PDE4D: variants seen among roughly 807,000 people sequenced by gnomAD.
The protein encoded by PDE4D is 3',5'-cyclic-AMP phosphodiesterase 4D.
A neutral mutation model predicts 87.4 loss-of-function variants in PDE4D; 24 were observed. The ratio of observed to expected loss-of-function variants is 0.27; its 90% CI spans 0.20 to 0.39. The LOEUF is 0.39. Ranked by LOEUF, PDE4D falls within the 10% of genes least tolerant of loss-of-function variation. PDE4D has a pLI of 1.00. For synonymous variants in PDE4D, 384 were observed against 383.2 expected, an observed-to-expected ratio of 1.00 and a Z score of -0.02; for missense variants, 714 against 1,041.0, an observed-to-expected ratio of 0.69 and a Z score of 4.32.
At chr5:59,251,191 C>G (rs1346543530) in intron 1 of PDE4D, among the ~76,000 whole-genome samples, 1 of 152,128 alleles carries the variant, frequency 6.6e-6, no homozygotes, top group East Asian at 1.9e-4. Flanking sequence ...TCTAAATAAA[C>G]TTAAAAGCTT....
At chr5:60,459,812 T>A (rs1219872449) in intron 1 of PDE4D, 9 of 525,512 alleles carry the variant, frequency 1.7e-5, no homozygotes, top group East Asian at 3.4e-5. Context: ...TGGAGAAAAA[T>A]TTTTAAACAG....
At chr5:59,314,299 T>A (rs1214203137) in intron 1 of PDE4D, 1 of 152,138 alleles carries the variant, frequency 6.6e-6, no homozygotes, top group Non-Finnish European at 1.5e-5. Context: ...CTAGGACTCC[T>A]GGGGCCACAA....
At chr5:60,426,908 A>AG in intron 1 of PDE4D, among the ~76,000 whole-genome samples, 1 of 152,294 alleles carries the variant, frequency 6.6e-6, no homozygotes, top group East Asian at 1.9e-4. Flanking sequence ...AGAACTAAAA[A>AG]AAAATAAAAA....
At chr5:59,357,057 G>T in intron 1 of PDE4D, 1 of 467,872 alleles carries the variant, frequency 2.1e-6, no homozygotes, top group South Asian at 5.5e-5. Context: ...CATGACACTT[G>T]GCCTTTGCGA....
chr5:59,670,877 C>A (rs2150328045), intron 1 of PDE4D, among the ~76,000 whole-genome samples: 1 of 151,772 alleles, frequency 6.6e-6, no homozygotes, highest in African/African-American at 2.4e-5. Flanking sequence ...GCTGTGTTAC[C>A]CAGGCTGGCC....
chr5:60,235,664 A>C (rs1216581968), intron 1 of PDE4D, among the ~76,000 whole-genome samples: 5 of 151,886 alleles, frequency 3.3e-5, no homozygotes, highest in Non-Finnish European at 1.5e-5. Context: ...ATAAAACTGA[A>C]GCCCAGAGAG....
At chr5:59,680,290 T>C (rs184059249) in intron 1 of PDE4D, among the ~76,000 whole-genome samples, 1 of 152,294 alleles carries the variant, frequency 6.6e-6, no homozygotes, top group East Asian at 1.9e-4. Context: ...TGTTTCCAGA[T>C]TATCCTGAAG....
intron 1 of PDE4D, among the ~76,000 whole-genome samples, chr5:59,225,716 T>C (rs538611351): frequency 6.6e-6 from 1 of 152,016 alleles, no homozygotes; most frequent in African/African-American, 2.4e-5. Context: ...AACCTACAGA[T>C]TAGGAGAAAA....
intron 3 of PDE4D, among the ~76,000 whole-genome samples, chr5:59,974,095 C>A (rs1439826355): frequency 6.6e-6 from 1 of 152,148 alleles, no homozygotes; most frequent in African/African-American, 2.4e-5. Context: ...ACAACAGTAA[C>A]CCCGTTTACA....
chr5:59,120,519 A>T (rs944142372), intron 5 of PDE4D, among the ~76,000 whole-genome samples: 11 of 152,126 alleles, frequency 7.2e-5, no homozygotes, highest in South Asian at 2.1e-4. Context: ...GACCATTTTT[A>T]AAAAAATTGA....
At chr5:60,427,613 A>G (rs932053250) in intron 1 of PDE4D, among the ~76,000 whole-genome samples, 17 of 152,252 alleles carry the variant, frequency 1.1e-4, no homozygotes, top group Admixed American at 2.6e-4. Flanking sequence ...TACAGTAAGA[A>G]AGAAAAAGAG....
In PDE4D at chr5:59,397,457, G is replaced by A. The variant is rs1208787326; in HGVS notation, c.456-181489C>T. ...AAAACCGCTCAACTACATGGAAACC[G>A]AACAACCTGCTCCTGAATGACTACT... On this transcript the variant is annotated intron_variant, in intron 1 of 14. Transcript: ENST00000340635. Among the ~76,000 whole-genome samples the A allele has an allele frequency of 7.6e-5, 9 of 117,982 alleles. 2 individuals are homozygous for A. The highest frequency in any genetic ancestry group is 1.4e-4 in the Non-Finnish European group (8 of 55,868). 77.4% of individuals were successfully genotyped at this position (117,982 alleles called of 152,430 possible).
At chr5:59,412,420 T>A (rs1417778289) in intron 1 of PDE4D, among the ~76,000 whole-genome samples, 1 of 152,150 alleles carries the variant, frequency 6.6e-6, no homozygotes, top group East Asian at 1.9e-4. Context: ...TAGTTACACA[T>A]CCACAATTAC....
At chr5:60,220,234 T>G (rs1744340443) in intron 1 of PDE4D, among the ~76,000 whole-genome samples, 1 of 152,102 alleles carries the variant, frequency 6.6e-6, no homozygotes, top group East Asian at 1.9e-4. Flanking sequence ...CATGAGTGCA[T>G]GAAAAAGGTA....
chr5:60,062,911 G>A (rs1324955398), intron 2 of PDE4D, among the ~76,000 whole-genome samples: 1 of 151,962 alleles, frequency 6.6e-6, no homozygotes, highest in African/African-American at 2.4e-5. Flanking sequence ...ACCAGGGCCT[G>A]TTGGGTCATG....
intron 1 of PDE4D, among the ~76,000 whole-genome samples, chr5:59,573,538 G>C (rs1198733923): frequency 1.3e-5 from 2 of 152,014 alleles, no homozygotes; most frequent in Non-Finnish European, 2.9e-5. Context: ...TCCTCATCCT[G>C]TCCTCTCTCC....
At chr5:60,135,951 A>T (rs962558907) in intron 2 of PDE4D, among the ~76,000 whole-genome samples, 4 of 152,168 alleles carry the variant, frequency 2.6e-5, no homozygotes, top group African/African-American at 9.7e-5. Context: ...ATAATCATTA[A>T]TGTTCTAAGA....
At chr5:59,920,551 A>G (rs935636295) in intron 3 of PDE4D, among the ~76,000 whole-genome samples, 1 of 152,074 alleles carries the variant, frequency 6.6e-6, no homozygotes, top group Non-Finnish European at 1.5e-5. Context: ...TAACATACAG[A>G]GTTAGTTGGA....
Position 59,385,985 on chromosome 5 carries a change from C to T in PDE4D, c.456-170017G>A, listed in dbSNP as rs1283108754. The stretch of plus-strand genomic sequence containing the variant: ...TCAGAGTCCTGACCCTTTCTGAGAA[C>T]ATTTCTCTAGAAAATAAATCTTGGG... On this transcript the variant is annotated intron_variant, in intron 1 of 14. Transcript: ENST00000340635. 2.6e-5 allele frequency among the ~76,000 whole-genome samples: 4 copies of T among 152,268 alleles called. No homozygotes were observed. The South Asian group carries it at 8.3e-4, about 32-fold the overall frequency.
Sources: allele counts gnomAD v4.1 joint callset (sites outside exome capture counted in the v4.1 genomes callset), GRCh38; gene constraint gnomAD v4.1.1; transcripts MANE v1.5; gene names NCBI Gene and HGNC (gene_info 2026-07-23, HGNC 2026-07-21).